The following DPYD variants were observed in gnomAD, a reference collection of about 807,000 sequenced individuals.
DPYD encodes dihydropyrimidine dehydrogenase [NADP(+)].
DPYD carries 109 observed loss-of-function variants against 116.2 expected under a neutral mutation model. The ratio of observed to expected loss-of-function variants is 0.94; its 90% CI spans 0.80 to 1.10. DPYD has a LOEUF of 1.10. Among genes scored for constraint, DPYD ranks in the 50% least tolerant of loss-of-function variants. The pLI is 0.00. For missense variants in DPYD, 1,302 were observed against 1,254.5 expected, an observed-to-expected ratio of 1.04 and a Z score of -0.57; for synonymous variants, 440 against 432.0, an observed-to-expected ratio of 1.02 and a Z score of -0.23.
intron 18 of DPYD, among the ~76,000 whole-genome samples, chr1:97,296,698 A>G (rs1278579059): frequency 6.6e-6 from 1 of 152,118 alleles, no homozygotes; most frequent in African/African-American, 2.4e-5. Context: ...ATTTATAGAC[A>G]TATATTTTGT....
chr1:97,527,210 C>A (rs1557774036), intron 12 of DPYD, among the ~76,000 whole-genome samples: 2 of 151,968 alleles, frequency 1.3e-5, no homozygotes, highest in Non-Finnish European at 2.9e-5. Flanking sequence ...TCTCGAGTAG[C>A]TGGGACCACA....
intron 3 of DPYD, among the ~76,000 whole-genome samples, chr1:97,770,397 A>G (rs983350220): frequency 6.6e-6 from 1 of 152,236 alleles, no homozygotes; most frequent in African/African-American, 2.4e-5. Context: ...TTCAATAACA[A>G]AACTCAAAGC....
At chr1:97,164,510 T>C (rs372903668) in intron 20 of DPYD, among the ~76,000 whole-genome samples, 2 of 152,128 alleles carry the variant, frequency 1.3e-5, no homozygotes, top group South Asian at 4.1e-4. Context: ...GATGACATGA[T>C]TCTATATCTA....
At chr1:97,616,797 GA>G (rs1443439665) in intron 8 of DPYD, among the ~76,000 whole-genome samples, 1 of 152,150 alleles carries the variant, frequency 6.6e-6, no homozygotes, top group Non-Finnish European at 1.5e-5. Context: ...TGTACAAAAA[GA>G]AAACTTGAAG....
At chr1:97,417,506 C>A (rs978426794) in intron 14 of DPYD, among the ~76,000 whole-genome samples, 1 of 152,098 alleles carries the variant, frequency 6.6e-6, no homozygotes, top group Non-Finnish European at 1.5e-5. Flanking sequence ...CTAATATATG[C>A]TTTTTACTGT....
intron 19 of DPYD, among the ~76,000 whole-genome samples, chr1:97,212,722 C>A (rs1660117546): frequency 6.6e-6 from 1 of 152,102 alleles, no homozygotes; most frequent in South Asian, 2.1e-4. Context: ...CACATCCTCA[C>A]CGTCATTAAG....
At chr1:97,307,875 C>A (rs917816701) in intron 16 of DPYD, among the ~76,000 whole-genome samples, 4 of 151,860 alleles carry the variant, frequency 2.6e-5, no homozygotes, top group Non-Finnish European at 5.9e-5. Context: ...TTCCATGGGA[C>A]TTAGCCTAGA....
At chr1:97,859,974 T>C (rs1558013910) in intron 2 of DPYD, among the ~76,000 whole-genome samples, 1 of 151,742 alleles carries the variant, frequency 6.6e-6, no homozygotes, top group African/African-American at 2.4e-5. Flanking sequence ...TTGTAACCAT[T>C]TGATATTTTT....
At chr1:97,846,147 C>T (rs975225703) in intron 2 of DPYD, among the ~76,000 whole-genome samples, 12 of 152,102 alleles carry the variant, frequency 7.9e-5, no homozygotes, top group East Asian at 1.9e-4. Flanking sequence ...AGGCAGAAGG[C>T]GTTGTTGAAC....
At chr1:97,716,768 A>G (rs902744478) in intron 5 of DPYD, among the ~76,000 whole-genome samples, 1 of 152,106 alleles carries the variant, frequency 6.6e-6, no homozygotes, top group Non-Finnish European at 1.5e-5. Flanking sequence ...ATTATTTCTT[A>G]GGAAACATAA....
At chr1:97,438,547 G>A (rs1675591083) in intron 14 of DPYD, among the ~76,000 whole-genome samples, 1 of 151,812 alleles carries the variant, frequency 6.6e-6, no homozygotes, top group Admixed American at 6.6e-5. Flanking sequence ...ATTTTTACAA[G>A]CCAATCTTAT....
intron 18 of DPYD, among the ~76,000 whole-genome samples, chr1:97,253,307 C>T (rs144576338): frequency 7.2e-5 from 11 of 152,178 alleles, no homozygotes; most frequent in African/African-American, 9.6e-5. Context: ...AAATGGAAAA[C>T]GAATGCCAGT....
intron 2 of DPYD, among the ~76,000 whole-genome samples, chr1:97,876,993 G>A (rs970067907): frequency 6.6e-6 from 1 of 152,038 alleles, no homozygotes; most frequent in Non-Finnish European, 1.5e-5. Context: ...CTTGGAGAAA[G>A]AGGATCAATG....
chr1:97,346,538 G>T (rs941686006), intron 16 of DPYD, among the ~76,000 whole-genome samples: 1 of 151,432 alleles, frequency 6.6e-6, no homozygotes. Context: ...TGTATTTTCT[G>T]CCTTGTTTAA....
chr1:97,269,409 C>G (rs535607441), intron 18 of DPYD, among the ~76,000 whole-genome samples: 7 of 152,138 alleles, frequency 4.6e-5, no homozygotes, highest in Non-Finnish European at 1.0e-4. Context: ...CCAAACTGTT[C>G]TAGCCTCTAC....
At chr1:97,245,136 T>G (rs1370175232) in intron 18 of DPYD, among the ~76,000 whole-genome samples, 1 of 152,100 alleles carries the variant, frequency 6.6e-6, no homozygotes, top group Non-Finnish European at 1.5e-5. Flanking sequence ...ATTTATATCC[T>G]CACGACATCA....
chr1:97,408,558 T>G (rs1281100126), intron 14 of DPYD, among the ~76,000 whole-genome samples: 1 of 152,230 alleles, frequency 6.6e-6, no homozygotes, highest in Middle Eastern at 3.4e-3. Flanking sequence ...TTGGAGATTA[T>G]GTATGATTTC....
chr1:97,780,263 G>A (rs957657993), intron 3 of DPYD, among the ~76,000 whole-genome samples: 2 of 152,152 alleles, frequency 1.3e-5, no homozygotes, highest in Admixed American at 6.5e-5. Flanking sequence ...GGAAAAATTA[G>A]AAACTGATGA....
At chr1:97,362,330 A>G (rs757530150) in intron 16 of DPYD, among the ~76,000 whole-genome samples, 1 of 152,234 alleles carries the variant, frequency 6.6e-6, no homozygotes, top group Non-Finnish European at 1.5e-5. Flanking sequence ...AGAACATTCC[A>G]TGCTCAGGGA....
Sources: gnomAD v4.1 joint callset for allele counts (sites outside exome capture counted in the v4.1 genomes callset) on GRCh38, gnomAD v4.1.1 for gene constraint, MANE v1.5 for transcripts, NCBI Gene and HGNC (gene_info 2026-07-23, HGNC 2026-07-21) for gene names.